Variants in RIMKLB observed in about 807,000 individuals in gnomAD.
RIMKLB encodes the protein beta-citrylglutamate synthase B.
RIMKLB carries 7 observed loss-of-function variants against 32.0 expected under a neutral mutation model. That is an observed-to-expected ratio of 0.22 (90% CI 0.12 to 0.41). The LOEUF (loss-of-function observed/expected upper bound fraction) is 0.41. RIMKLB is among the 10% of genes least tolerant of loss of function. The pLI is 1.00. For synonymous variants in RIMKLB, 172 were observed against 185.1 expected (o/e 0.93, Z 0.57); for missense variants, 289 against 498.7 (o/e 0.58, Z 4.00).
intron 2 of RIMKLB, chr12:8,742,838 G>A (rs767974505): frequency 1.0e-5 from 2 of 191,884 alleles, no homozygotes; most frequent in Non-Finnish European, 2.2e-5. Context: ...ACCTTTCACA[G>A]AGACATCTTA....
At position 8,774,007 on chromosome 12, in the gene RIMKLB, A is replaced by G; in HGVS notation, c.*223A>G. The G allele has an allele frequency of 7.5e-7, 1 of 1,342,074 alleles. No homozygotes were observed. Among genetic ancestry groups the G allele is most frequent in the Non-Finnish European group, 9.5e-7 (1 of 1,050,302 alleles). 83.1% of individuals were successfully genotyped at this position (1,342,074 alleles called of 1,614,324 possible). A position where few individuals can be genotyped will look rare whatever the true frequency, so the allele number is the denominator to read the frequency against. On this transcript the variant is annotated 3_prime_UTR_variant, in exon 6 of 6. Transcript: ENST00000535829. The stretch of plus-strand genomic sequence containing the variant: ...GAGAGGCAGAATAGGTGGGGTATAG[A>G]AAAATGTCAGGCTCTCATAGTTACC...
intron 2 of RIMKLB, among the ~76,000 whole-genome samples, chr12:8,738,019 A>C (rs1215043063): frequency 1.3e-5 from 2 of 151,868 alleles, no homozygotes; most frequent in Non-Finnish European, 2.9e-5. Context: ...TGGCCCATGA[A>C]TTTTCTCTAT....
chr12:8,782,025 TTTTCCTTG>T (rs1205410750), downstream of RIMKLB, among the ~76,000 whole-genome samples: 210 of 152,054 alleles, frequency 1.4e-3, 2 homozygotes, highest in African/African-American at 5.0e-3. Flanking sequence ...TTTTTTCCTT[TTTTCCTTG>T]AGACAGGGTC....
Position 8,775,587 on chromosome 12 carries a change from G to A in RIMKLB, c.*1803G>A, listed in dbSNP as rs1950681411. On this transcript the variant is annotated 3_prime_UTR_variant, in exon 6 of 6. Coordinates refer to ENST00000535829, the MANE Select transcript of RIMKLB (RefSeq NM_001297776.2). ...TCTTGGACACTACTAGAGAGACTTC[G>A]AGGCAATAATAAAAGATCAGTATTA... The A allele has an allele frequency of 8.1e-6, 8 of 985,500 alleles. 1 individual carries two copies. In the South Asian group the frequency reaches 2.8e-4, roughly 35 times the overall value. The allele number at this position is 985,500 out of a possible 1,614,324, so 61.0% of individuals were successfully genotyped here.
At chr12:8,749,137 A>G (rs1948410499) in intron 2 of RIMKLB, among the ~76,000 whole-genome samples, 1 of 152,234 alleles carries the variant, frequency 6.6e-6, no homozygotes, top group African/African-American at 2.4e-5. Flanking sequence ...GCACAATATT[A>G]AACTTTTCTC....
chr12:8,688,988 C>A (rs992039164), intron 1 of RIMKLB, among the ~76,000 whole-genome samples: 5 of 152,136 alleles, frequency 3.3e-5, no homozygotes, highest in African/African-American at 1.2e-4. Context: ...GTGCCCGACA[C>A]CACACCCGAC....
chr12:8,733,942 C>T (rs563619405), intron 2 of RIMKLB, among the ~76,000 whole-genome samples: 3 of 152,230 alleles, frequency 2.0e-5, no homozygotes, highest in South Asian at 2.1e-4. Context: ...TGACTACTTA[C>T]TGAGTGTCTA....
chr12:8,772,442 T>C (rs1397607480), intron 5 of RIMKLB, among the ~76,000 whole-genome samples: 1 of 152,260 alleles, frequency 6.6e-6, no homozygotes. Flanking sequence ...CAGGGCTCAC[T>C]CAGCTTGGGT....
intron 5 of RIMKLB, among the ~76,000 whole-genome samples, chr12:8,760,530 C>T (rs1949431884): frequency 6.6e-6 from 1 of 152,228 alleles, no homozygotes; most frequent in African/African-American, 2.4e-5. Context: ...CTGTCTTCCA[C>T]AATGGTTGAA....
In RIMKLB at chr12:8,756,038, C is replaced by T. The variant is rs761261382; in HGVS notation, c.697+1945C>T. Among the ~76,000 whole-genome samples, 6 of 151,884 alleles carry T rather than the reference C, an allele frequency of 4.0e-5. No homozygotes were observed. The South Asian group carries it at 6.2e-4, about 16-fold the overall frequency. On this transcript the variant is annotated intron_variant, in intron 5 of 5. Coordinates refer to ENST00000535829, the MANE Select transcript of RIMKLB (RefSeq NM_001297776.2). ...TGCAGTGGCACATTCCTGTTTAGTCCCGGCTACTCTGGAGGCTGAGGCATG... is the reference window on the plus strand; with the variant it reads ...TGCAGTGGCACATTCCTGTTTAGTCTCGGCTACTCTGGAGGCTGAGGCATG...
upstream of RIMKLB, among the ~76,000 whole-genome samples, chr12:8,678,615 A>G (rs1437256051): frequency 1.3e-5 from 2 of 152,226 alleles, no homozygotes; most frequent in Non-Finnish European, 2.9e-5. Flanking sequence ...GGCATGAGCC[A>G]CTGCGCCCAG....
intron 1 of RIMKLB, among the ~76,000 whole-genome samples, chr12:8,704,999 C>CACACACACACACACACACACACACACAAA (rs35908223): frequency 1.3e-5 from 2 of 151,538 alleles, no homozygotes; most frequent in African/African-American, 4.9e-5. Context: ...CACACACACA[C>CACACACACACACACACACACACACACAAA]AAAACCCCAA....
At position 8,775,325 on chromosome 12, in the gene RIMKLB, T is replaced by C; in HGVS notation, c.*1541T>C. 2.0e-6 allele frequency: 2 copies of C among 985,394 alleles called. No homozygotes were observed. The highest frequency in any genetic ancestry group is 2.4e-6 in the Non-Finnish European group (2 of 829,856). The allele number at this position is 985,394 out of a possible 1,614,324, so 61.0% of individuals were successfully genotyped here. On this transcript the variant is annotated 3_prime_UTR_variant, in exon 6 of 6. Transcript: ENST00000535829. ...CTGTCCACTCTTTATATTCCTTTAC[T>C]TGCAGAATTTATAAAAGCCCCCAAA...
intron 2 of RIMKLB, among the ~76,000 whole-genome samples, chr12:8,719,328 C>T (rs1363449976): frequency 1.3e-5 from 2 of 152,122 alleles, no homozygotes; most frequent in African/African-American, 4.8e-5. Context: ...GCTTCTAATT[C>T]TAAGCCCTGG....
At chr12:8,779,339 G>A (rs1592054135), downstream of RIMKLB, 1 of 152,122 alleles carries the variant, frequency 6.6e-6, no homozygotes, top group East Asian at 1.9e-4. Context: ...AACATGAGGG[G>A]TGGGGTGAAC....
In RIMKLB at chr12:8,774,741, G is replaced by A; in HGVS notation, c.*957G>A. On this transcript the variant is annotated 3_prime_UTR_variant, in exon 6 of 6. Transcript: ENST00000535829. ...TTTTCCCTTTTTGTTTTGGTAGTTG[G>A]GCATTTAAATAAGGACAAGGAAAAA... The A allele has an allele frequency of 1.0e-6, 1 of 985,240 alleles. No homozygotes were observed. The highest frequency in any genetic ancestry group is 1.2e-6 in the Non-Finnish European group (1 of 829,758). 61.0% of individuals were successfully genotyped at this position (985,240 alleles called of 1,614,324 possible). A position where few individuals can be genotyped will look rare whatever the true frequency, so the allele number is the denominator to read the frequency against.
At chr12:8,704,669 C>G (rs1467067356) in intron 1 of RIMKLB, among the ~76,000 whole-genome samples, 1 of 152,094 alleles carries the variant, frequency 6.6e-6, no homozygotes. Flanking sequence ...AGTCATTCTT[C>G]CGGAGGATGT....
intron 1 of RIMKLB, 87 bp downstream of exon 1, chr12:8,698,384 A>G: frequency 5.5e-6 from 1 of 180,584 alleles, no homozygotes; most frequent in South Asian, 6.8e-5. Flanking sequence ...AGCGGAATGG[A>G]TCCCCCGATT....
chr12:8,760,591 C>G (rs999448316), intron 5 of RIMKLB, among the ~76,000 whole-genome samples: 18 of 152,220 alleles, frequency 1.2e-4, no homozygotes, highest in Admixed American at 2.6e-4. Flanking sequence ...TTCTCCACGT[C>G]CTCTCCAGCA....
Sources: gnomAD v4.1 joint callset for allele counts (sites outside exome capture counted in the v4.1 genomes callset) on GRCh38, gnomAD v4.1.1 for gene constraint, MANE v1.5 for transcripts, NCBI Gene and HGNC (gene_info 2026-07-23, HGNC 2026-07-21) for gene names.